ZNF774: variants seen among roughly 807,000 people sequenced by gnomAD.
ZNF774 encodes the protein zinc finger protein 774.
A neutral mutation model predicts 11.1 loss-of-function variants in ZNF774; 14 were observed. The observed-to-expected ratio is 1.26, with a 90% CI of 0.83 to 1.97. The LOEUF (loss-of-function observed/expected upper bound fraction) is 1.97. Ranked by LOEUF, ZNF774 falls within the 30% of genes most tolerant of loss-of-function variation. The pLI, the probability that ZNF774 is intolerant of heterozygous loss-of-function variation, is 0.00. For synonymous variants in ZNF774, 195 were observed against 212.6 expected (o/e 0.92, Z 0.72); for missense variants, 599 against 587.0 (o/e 1.02, Z -0.21).
chr15:90,358,846 T>A lies in ZNF774; in HGVS notation c.105-5T>A, dbSNP rs1567101502. ...CTCACATCCTATGTTTACATTCCTG[T>A]GTAGAATTTCCAGGCCTAGTGTAAT... On this transcript the variant is annotated splice_region_variant and splice_polypyrimidine_tract_variant and intron_variant, in intron 2 of 3. Coordinates refer to ENST00000354377, the MANE Select transcript of ZNF774 (RefSeq NM_001004309.3). 6.2e-7 allele frequency: 1 copy of A among 1,611,402 alleles called. No individual in the cohort carries two copies. The highest frequency in any genetic ancestry group is 1.7e-5 in the Admixed American group (1 of 59,934).
chr15:90,357,896 ATTT>A lies in ZNF774; in HGVS notation c.105-940_105-938del, dbSNP rs59624159. Among the ~76,000 whole-genome samples the A allele has an allele frequency of 7.0e-4, 96 of 137,612 alleles. 2 individuals are homozygous for A. Among genetic ancestry groups the A allele is most frequent in the African/African-American group, 1.7e-3 (64 of 37,304 alleles). The allele number at this position is 137,612 out of a possible 152,430, so 90.3% of individuals were successfully genotyped here. A position where few individuals can be genotyped will look rare whatever the true frequency, so the allele number is the denominator to read the frequency against. On this transcript the variant is annotated intron_variant, in intron 2 of 3. Coordinates refer to ENST00000354377, the MANE Select transcript of ZNF774 (RefSeq NM_001004309.3). ...GCCAATGGATCTTATTCTTATCCCA[ATTT>A]TTTTTTTTTTTTTTGAGATGGAGTC... is the stretch of plus-strand genomic sequence containing the variant.
In ZNF774 at chr15:90,361,580, A is replaced by T. The variant is rs551527329; in HGVS notation, c.*297A>T. The T allele has an allele frequency of 7.2e-5, 75 of 1,044,132 alleles. 3 individuals are homozygous for T. The South Asian group carries it at 2.3e-3, about 32-fold the overall frequency. 64.7% of individuals were successfully genotyped at this position (1,044,132 alleles called of 1,614,324 possible). On this transcript the variant is annotated 3_prime_UTR_variant, in exon 4 of 4. Transcript: ENST00000354377. ...TAATCCCAGCACTTTTGGGAGGCCAAGGTGGGTGGATCACTTGAGGTCAGG... is the reference window on the plus strand; with the variant it reads ...TAATCCCAGCACTTTTGGGAGGCCATGGTGGGTGGATCACTTGAGGTCAGG...
rs1242987227 is a variant in ZNF774 at position 90,360,518 on chromosome 15, C to A, written c.687C>A (p.His229Gln). 6.2e-7 allele frequency: 1 copy of A among 1,613,992 alleles called. No individual in the cohort carries two copies. The highest frequency in any genetic ancestry group is 1.1e-5 in the South Asian group (1 of 91,078). ...SSTLIKHQRT[H>Q]TGERPYECPE... ...CACTCATCAAACATCAGAGAACCCA[C>A]ACAGGGGAGAGACCCTATGAGTGCC... The change falls in exon 4 of 4, where the codon CAC becomes CAA. Residue 229 changes from histidine to glutamine, a missense_variant. Physicochemically the swap from His to Gln is conservative, Grantham distance 24. Transcript: ENST00000354377.
chr15:90,356,123 CT>C (rs576797131), intron 2 of ZNF774, among the ~76,000 whole-genome samples: 20,533 of 137,204 alleles, frequency 0.15, 1,887 homozygotes, highest in East Asian at 0.46. Context: ...TTCTTTCTTT[CT>C]TTTTTTTTTT....
rs1964220324 is a variant in ZNF774, at chr15:90,354,739, CAGTT to C, written c.82_85del (p.Leu28LysfsTer13). ...TCCTCTCCAGGAATGCCACCCAGCA[CAGTT>C]AGAAGAATGGGCTCTCAAAGGGTAA... On this transcript the variant is annotated frameshift_variant, in exon 2 of 4. Transcript: ENST00000354377. LOFTEE classifies it high-confidence loss of function. 1.9e-6 allele frequency: 3 copies of C among 1,612,382 alleles called. No individual in the cohort carries two copies. The African/African-American group carries it at 4.0e-5, about 21-fold the overall frequency.
rs1964219974 is a variant in ZNF774, at chr15:90,354,719, T to G, written c.59T>G (p.Leu20Arg). 1 of 1,612,714 alleles carries G rather than the reference T, an allele frequency of 6.2e-7. No individual in the cohort carries two copies. Among genetic ancestry groups the G allele is most frequent in the Non-Finnish European group, 8.5e-7 (1 of 1,179,458 alleles). Residue 20 changes from leucine (L) to arginine (R), a missense_variant, in exon 2 of 4, where the codon CTC (leucine) becomes CGC (arginine). Coordinates refer to ENST00000354377, the MANE Select transcript of ZNF774 (RefSeq NM_001004309.3). ...CCTGGACACTGCTTAGAGAATCCTC[T>G]CCAGGAATGCCACCCAGCACAGTTA... The part of the protein sequence containing the change: ...GLPGHCLENP[L>R]QECHPAQLEE...
intron 2 of ZNF774, among the ~76,000 whole-genome samples, chr15:90,355,768 T>C (rs113060062): frequency 3.7e-5 from 5 of 136,040 alleles, no homozygotes; most frequent in East Asian, 2.2e-4. Flanking sequence ...CGGTGGCTCA[T>C]GCCTGTAATC....
intron 3 of ZNF774, 42 bp downstream of exon 3, chr15:90,358,999 T>G (rs1441461717): frequency 6.6e-7 from 1 of 1,513,152 alleles, no homozygotes; most frequent in South Asian, 1.1e-5. Flanking sequence ...ATCTAGCATT[T>G]CAGCCTTGTT....
chr15:90,354,970 G>A (rs1202904885), intron 2 of ZNF774, among the ~76,000 whole-genome samples: 1 of 152,004 alleles, frequency 6.6e-6, no homozygotes, highest in Non-Finnish European at 1.5e-5. Context: ...AATTTTTTGT[G>A]TTTTTAGTAG....
chr15:90,357,119 C>A (rs1964259565), intron 2 of ZNF774, among the ~76,000 whole-genome samples: 1 of 152,162 alleles, frequency 6.6e-6, no homozygotes, highest in African/African-American at 2.4e-5. Context: ...AAAATGCCTT[C>A]CAAGAAGATT....
rs535389114 is a variant in ZNF774, at chr15:90,354,986, G to C, written c.104+222G>C. 7.2e-5 allele frequency among the ~76,000 whole-genome samples: 11 copies of C among 152,248 alleles called. No homozygotes were observed. In the East Asian group the frequency reaches 1.9e-3, roughly 27 times the overall value. ...ATTTTTTGTGTTTTTAGTAGAGACA[G>C]GATTTTGCTATGTTGGCAAGGCTGG... is the stretch of plus-strand genomic sequence containing the variant. On this transcript the variant is annotated intron_variant, in intron 2 of 3. Coordinates refer to ENST00000354377, the MANE Select transcript of ZNF774 (RefSeq NM_001004309.3).
chr15:90,359,007 G>C, intron 3 of ZNF774, 50 bp downstream of exon 3: 2 of 1,359,248 alleles, frequency 1.5e-6, no homozygotes, highest in Non-Finnish European at 2.0e-6. Context: ...TTTCAGCCTT[G>C]TTTAGATGAA....
intron 2 of ZNF774, among the ~76,000 whole-genome samples, chr15:90,358,596 T>C (rs1964279059): frequency 6.6e-6 from 1 of 152,242 alleles, no homozygotes; most frequent in Non-Finnish European, 1.5e-5. Context: ...GGTTATTGTA[T>C]TTACTTCAGA....
At position 90,362,219 on chromosome 15, in the gene ZNF774, C is replaced by T. The variant is rs545852574; in HGVS notation, c.*936C>T. Reference sequence around the variant, plus strand: ...GTCACCAGAGGTCTCACTGCCATGACAAGGCCAAATTATCGTAGAGGATGT... The same window carrying T: ...GTCACCAGAGGTCTCACTGCCATGATAAGGCCAAATTATCGTAGAGGATGT... On this transcript the variant is annotated 3_prime_UTR_variant, in exon 4 of 4. Transcript: ENST00000354377. 3.7e-5 allele frequency: 10 copies of T among 268,738 alleles called. No individual in the cohort carries two copies. In the South Asian group the frequency reaches 4.6e-4, roughly 12 times the overall value. 16.6% of individuals were successfully genotyped at this position (268,738 alleles called of 1,614,324 possible).
intron 2 of ZNF774, among the ~76,000 whole-genome samples, chr15:90,356,045 T>A (rs12909537): frequency 0.42 from 42,305 of 101,618 alleles, 7,985 homozygotes; most frequent in East Asian, 0.71. Context: ...AAAAAATAAA[T>A]AAAAAAAACC....
At position 90,361,015 on chromosome 15, in the gene ZNF774, G is replaced by A; in HGVS notation, c.1184G>A (p.Arg395Gln). 2.5e-6 allele frequency: 4 copies of A among 1,614,098 alleles called. No homozygotes were observed. The highest frequency in any genetic ancestry group is 2.5e-6 in the Non-Finnish European group (3 of 1,180,024). Reference sequence around the variant, plus strand: ...AGCTCCGCCCTCATTAAGCACCAACGAATCCACACCGGAGAAAGACCCTAC... The same window carrying A: ...AGCTCCGCCCTCATTAAGCACCAACAAATCCACACCGGAGAAAGACCCTAC... Reference protein sequence around the residue: ...ADSSALIKHQRIHTGERPYKC... With the variant: ...ADSSALIKHQQIHTGERPYKC... Residue 395 changes from arginine (R) to glutamine (Q), a missense_variant, in exon 4 of 4, where the codon CGA (arginine) becomes CAA (glutamine). By Grantham distance (43) the Arg-to-Gln change is conservative. Coordinates refer to ENST00000354377, the MANE Select transcript of ZNF774 (RefSeq NM_001004309.3).
At chr15:90,354,465 C>A in intron 1 of ZNF774, 177 bp from the exon 2 acceptor site, 1 of 566,574 alleles carries the variant, frequency 1.8e-6, no homozygotes, top group Non-Finnish European at 3.1e-6. Context: ...CAGGAGAAGA[C>A]GTATGTAAAA....
At chr15:90,355,089 G>A (rs572105876) in intron 2 of ZNF774, among the ~76,000 whole-genome samples, 3 of 152,132 alleles carry the variant, frequency 2.0e-5, no homozygotes, top group Non-Finnish European at 4.4e-5. Context: ...AAAGTGCTAG[G>A]ATTATGGGCG....
rs920446650 is a variant in ZNF774 at position 90,362,079 on chromosome 15, C to T, written c.*796C>T. ...TAGAAATTTATTAGTGTAGTCCCCC[C>T]GCCCCAAACTCAGAACGTGAAAGAA... is the stretch of plus-strand genomic sequence containing the variant. On this transcript the variant is annotated 3_prime_UTR_variant, in exon 4 of 4. Coordinates refer to ENST00000354377, the MANE Select transcript of ZNF774 (RefSeq NM_001004309.3). The T allele has an allele frequency of 5.7e-5, 9 of 158,592 alleles. No individual in the cohort carries two copies. The East Asian group carries it at 9.0e-4, about 16-fold the overall frequency. 9.8% of individuals were successfully genotyped at this position (158,592 alleles called of 1,614,324 possible).
Sources: gnomAD v4.1 joint callset for allele counts (sites outside exome capture counted in the v4.1 genomes callset) on GRCh38, gnomAD v4.1.1 for gene constraint, MANE v1.5 for transcripts, NCBI Gene and HGNC (gene_info 2026-07-23, HGNC 2026-07-21) for gene names.